The following SCN9A variants were observed in gnomAD, a reference collection of about 807,000 sequenced individuals.
The protein encoded by SCN9A is sodium channel protein type 9 subunit alpha.
In SCN9A, 131 loss-of-function variants were observed where a neutral mutation model predicts 187.0. The observed-to-expected ratio is 0.70, with a 90% CI of 0.61 to 0.81. The LOEUF (loss-of-function observed/expected upper bound fraction) is 0.81, where lower values mean the gene tolerates loss of function less well. SCN9A is among the 30% of genes least tolerant of loss of function. The pLI, the probability that SCN9A is intolerant of heterozygous loss-of-function variation, is 0.00. For missense variants in SCN9A, 2,252 were observed against 2,396.6 expected (o/e 0.94, Z 1.26); for synonymous variants, 809 against 808.6 (o/e 1.00, Z -0.01).
chr2:166,209,698 A>G (rs1693990195), intron 24 of SCN9A, among the ~76,000 whole-genome samples: 1 of 152,174 alleles, frequency 6.6e-6, no homozygotes, highest in African/African-American at 2.4e-5. Context: ...CAAAAAACAC[A>G]TGAAAAAATG....
In SCN9A at chr2:166,303,241, G is replaced by A. The variant is rs1055160615; in HGVS notation, c.750C>T (p.Ile250=). The change falls in exon 7 of 27, where the codon ATC becomes ATT. Residue 250 remains isoleucine, a synonymous_variant. Coordinates refer to ENST00000642356, the MANE Select transcript of SCN9A (RefSeq NM_001365536.1). ...ACACACTCAGACAGAACACAGTCAG[G>A]ATCATGACATCAGAAAGCTTCTTCA... The part of the protein sequence containing the change: ...QSVKKLSDVM[I]LTVFCLSVFA... 6 of 1,613,628 alleles carry A rather than the reference G, an allele frequency of 3.7e-6. No individual in the cohort carries two copies. Among genetic ancestry groups the A allele is most frequent in the Non-Finnish European group, 5.1e-6 (6 of 1,179,740 alleles).
At chr2:166,317,812 T>G (rs1391896832) in intron 1 of SCN9A, among the ~76,000 whole-genome samples, 2 of 152,066 alleles carry the variant, frequency 1.3e-5, no homozygotes, top group Non-Finnish European at 2.9e-5. Context: ...AAAACAAAGA[T>G]GTACAGTGGC....
chr2:166,205,448 T>C (rs1693752889), intron 24 of SCN9A, among the ~76,000 whole-genome samples: 1 of 152,198 alleles, frequency 6.6e-6, no homozygotes, highest in Admixed American at 6.5e-5. Flanking sequence ...CTGGGAAAAC[T>C]GGCTAGCCAT....
chr2:166,290,768 G>C (rs781323248), intron 9 of SCN9A, among the ~76,000 whole-genome samples: 3 of 151,830 alleles, frequency 2.0e-5, no homozygotes, highest in Non-Finnish European at 4.4e-5. Flanking sequence ...ATGCAAGGCT[G>C]GTTCAATATA....
chr2:166,238,050 A>C lies in SCN9A; in HGVS notation c.3801+44T>G, dbSNP rs1433991798. The C allele has an allele frequency of 4.8e-6, 7 of 1,444,022 alleles. No individual in the cohort carries two copies. In the South Asian group the frequency reaches 5.0e-5, roughly 10 times the overall value. 89.5% of individuals were successfully genotyped at this position (1,444,022 alleles called of 1,614,324 possible). On this transcript the variant is annotated intron_variant, in intron 20 of 26. Transcript: ENST00000642356. Reference sequence around the variant, plus strand: ...TGGTGAAGGTTTTTTCACAACACACAGTAAGAATAAATCCTCTTTTAAAAT... The same window carrying C: ...TGGTGAAGGTTTTTTCACAACACACCGTAAGAATAAATCCTCTTTTAAAAT...
At chr2:166,349,161 C>G (rs898551434) in intron 1 of SCN9A, among the ~76,000 whole-genome samples, 1 of 151,064 alleles carries the variant, frequency 6.6e-6, no homozygotes, top group Non-Finnish European at 1.5e-5. Flanking sequence ...AAACAAAAAA[C>G]TCCTCTCATC....
At chr2:166,227,970 CT>C (rs1457817579) in intron 22 of SCN9A, among the ~76,000 whole-genome samples, 1 of 151,962 alleles carries the variant, frequency 6.6e-6, no homozygotes, top group Non-Finnish European at 1.5e-5. Flanking sequence ...CGCACATAAC[CT>C]TTTATTTTTT....
intron 20 of SCN9A, among the ~76,000 whole-genome samples, chr2:166,237,301 T>C (rs746832437): frequency 6.6e-6 from 1 of 151,918 alleles, no homozygotes; most frequent in Non-Finnish European, 1.5e-5. Context: ...ATTTTAAGAT[T>C]TCTTCTCTAT....
At chr2:166,316,325 A>AT (rs1172373962) in intron 1 of SCN9A, among the ~76,000 whole-genome samples, 1 of 152,218 alleles carries the variant, frequency 6.6e-6, no homozygotes, top group Non-Finnish European at 1.5e-5. Context: ...ATTAGCAAAG[A>AT]TTTTAACAAA....
intron 21 of SCN9A, among the ~76,000 whole-genome samples, chr2:166,230,889 G>A (rs1460324680): frequency 2.0e-5 from 3 of 152,114 alleles, no homozygotes; most frequent in Non-Finnish European, 4.4e-5. Flanking sequence ...TTGGTCTGAT[G>A]AGAAGCCAGT....
chr2:166,332,094 A>C (rs1344566207), intron 1 of SCN9A, among the ~76,000 whole-genome samples: 1 of 152,192 alleles, frequency 6.6e-6, no homozygotes, highest in Non-Finnish European at 1.5e-5. Context: ...AAGCTTATTC[A>C]AATGGATTCT....
At chr2:166,258,565 T>A (rs1696375871) in intron 17 of SCN9A, among the ~76,000 whole-genome samples, 1 of 151,600 alleles carries the variant, frequency 6.6e-6, no homozygotes, top group African/African-American at 2.4e-5. Context: ...TAAAGTCCCA[T>A]AACTAACAGT....
chr2:166,276,705 T>C (rs372548033), intron 16 of SCN9A: 1 of 197,174 alleles, frequency 5.1e-6, no homozygotes, highest in Non-Finnish European at 1.0e-5. Flanking sequence ...AGAGAGCATA[T>C]GCCATCACTT....
chr2:166,271,492 C>G (rs953173512), intron 17 of SCN9A, among the ~76,000 whole-genome samples: 3 of 151,882 alleles, frequency 2.0e-5, no homozygotes, highest in African/African-American at 7.3e-5. Context: ...TGGGTGAGCA[C>G]TAGGAGATAG....
Position 166,222,945 on chromosome 2 carries a change from C to CAAAAA in SCN9A, c.4398+3617_4398+3621dup, listed in dbSNP as rs1309168684. Among the ~76,000 whole-genome samples, 12 of 44,964 alleles carry CAAAAA rather than the reference C, an allele frequency of 2.7e-4. 1 individual carries two copies. Among genetic ancestry groups the CAAAAA allele is most frequent in the Non-Finnish European group, 4.0e-4 (10 of 25,178 alleles). 29.5% of individuals were successfully genotyped at this position (44,964 alleles called of 152,430 possible). ...AACTCCGTCTCAAAAAAAAAAACAA[C>CAAAAA]AAAAAAAAAAAAAAAAAAAAAAAAA... On this transcript the variant is annotated intron_variant, in intron 24 of 26. Coordinates refer to ENST00000642356, the MANE Select transcript of SCN9A (RefSeq NM_001365536.1).
At position 166,199,367 on chromosome 2, in the gene SCN9A, C is replaced by A; in HGVS notation, c.5272G>T (p.Val1758Phe). The A allele has an allele frequency of 6.2e-7, 1 of 1,614,164 alleles. No homozygotes were observed. Among genetic ancestry groups the A allele is most frequent in the Non-Finnish European group, 8.5e-7 (1 of 1,180,036 alleles). ...GCAACACTAAAATTCTCCAGTATGACTGCAATGTACATGTTCACCACAACC... is the reference window on the plus strand; with the variant it reads ...GCAACACTAAAATTCTCCAGTATGAATGCAATGTACATGTTCACCACAACC... Reference protein sequence around the residue: ...FLVVVNMYIAVILENFSVATE... With the variant: ...FLVVVNMYIAFILENFSVATE... Residue 1758 changes from valine to phenylalanine, a missense_variant, in exon 27 of 27, where the codon GTC becomes TTC. Physicochemically the swap from Val to Phe is conservative, Grantham distance 50. This residue lies in a region of SCN9A where 345 missense variants were observed against 344.6 expected (regional missense o/e 1.00). Transcript: ENST00000642356.
chr2:166,222,942 C>CAAAAAAAAAAA (rs1558960810), intron 24 of SCN9A, among the ~76,000 whole-genome samples: 1 of 55,294 alleles, frequency 1.8e-5, no homozygotes, highest in African/African-American at 8.0e-5. Context: ...AAAAAAAAAA[C>CAAAAAAAAAAA]AACAAAAAAA....
At chr2:166,214,052 C>G (rs1215410303) in intron 24 of SCN9A, among the ~76,000 whole-genome samples, 1 of 152,054 alleles carries the variant, frequency 6.6e-6, no homozygotes, top group Non-Finnish European at 1.5e-5. Flanking sequence ...GTATTTATTT[C>G]TAGAAAATGC....
chr2:166,224,276 G>C (rs1003737718), intron 24 of SCN9A, among the ~76,000 whole-genome samples: 3 of 152,054 alleles, frequency 2.0e-5, no homozygotes, highest in Admixed American at 6.6e-5. Context: ...TTGAAAATCA[G>C]TGTACACTTT....
Sources: gnomAD v4.1 joint callset for allele counts (sites outside exome capture counted in the v4.1 genomes callset) on GRCh38, gnomAD v4.1.1 for gene constraint, gnomAD v4.1.1 regional missense constraint, MANE v1.5 for transcripts, NCBI Gene and HGNC (gene_info 2026-07-23, HGNC 2026-07-21) for gene names.